KIF20B: variants seen among roughly 807,000 people sequenced by gnomAD.
The protein encoded by KIF20B is kinesin family member 20B.
In KIF20B, 188 loss-of-function variants were observed where a neutral mutation model predicts 232.5. The observed-to-expected ratio is 0.81, with a 90% confidence interval of 0.72 to 0.91. KIF20B has a LOEUF of 0.91. KIF20B is among the 40% of genes least tolerant of loss of function. The pLI is 0.00. For synonymous variants in KIF20B, 712 were observed against 683.0 expected (o/e 1.04, Z -0.66); for missense variants, 2,154 against 2,055.9 (o/e 1.05, Z -0.92).
In KIF20B at chr10:89,752,708, G is replaced by GT. The variant is rs1564672180; in HGVS notation, c.4347+22dup. 6.7e-7 allele frequency: 1 copy of GT among 1,499,550 alleles called. No individual in the cohort carries two copies. 92.9% of individuals were successfully genotyped at this position (1,499,550 alleles called of 1,614,324 possible). ...GAGTTACAGGTATGACTTTATGTAT[G>GT]TTTTTATGTATGAATGTATCTGTCT... On this transcript the variant is annotated intron_variant, in intron 25 of 32. Coordinates refer to ENST00000371728, the MANE Select transcript of KIF20B (RefSeq NM_001284259.2).
intron 19 of KIF20B, among the ~76,000 whole-genome samples, chr10:89,737,095 A>G (rs1199500914): frequency 6.6e-6 from 1 of 152,122 alleles, no homozygotes; most frequent in Non-Finnish European, 1.5e-5. Context: ...TAATACTGAA[A>G]GTTAGAAATA....
intron 19 of KIF20B, among the ~76,000 whole-genome samples, chr10:89,733,524 G>A (rs974442572): frequency 2.6e-5 from 4 of 152,136 alleles, no homozygotes; most frequent in African/African-American, 7.2e-5. Flanking sequence ...GATAATACAT[G>A]TTGAAGATTA....
intron 30 of KIF20B, 139 bp downstream of exon 30, chr10:89,768,530 A>G (rs919007208): frequency 4.2e-6 from 3 of 715,652 alleles, no homozygotes; most frequent in East Asian, 2.7e-5. Flanking sequence ...AGTAGCATCT[A>G]CTTTATGTGT....
intron 1 of KIF20B, among the ~76,000 whole-genome samples, chr10:89,704,432 A>G (rs990196249): frequency 6.6e-6 from 1 of 152,182 alleles, no homozygotes; most frequent in African/African-American, 2.4e-5. Flanking sequence ...TAGTTTACTG[A>G]TGCATTATTC....
intron 22 of KIF20B, among the ~76,000 whole-genome samples, chr10:89,744,219 T>C (rs1195512500): frequency 6.6e-6 from 1 of 152,168 alleles, no homozygotes; most frequent in Non-Finnish European, 1.5e-5. Flanking sequence ...AACATTACCA[T>C]TAGTCATATT....
At position 89,738,420 on chromosome 10, in the gene KIF20B, C is replaced by G. The variant is rs375369186; in HGVS notation, c.3579C>G (p.Ile1193Met). 26 of 1,600,512 alleles carry G rather than the reference C, an allele frequency of 1.6e-5. No homozygotes were observed. The Middle Eastern group carries it at 5.0e-4, about 31-fold the overall frequency. Residue 1193 changes from isoleucine to methionine, a missense_variant, in exon 20 of 33, where the codon ATC (isoleucine) becomes ATG (methionine). Transcript: ENST00000371728. Reference protein sequence around the residue: ...LEQDILEKESIILKLERNLKE... With the variant: ...LEQDILEKESMILKLERNLKE... ...AAGACATTTTGGAAAAGGAATCTAT[C>G]ATCTTAAAGCTAGAAAGAAATTTGA...
At chr10:89,721,604 A>G (rs1319894961) in intron 13 of KIF20B, among the ~76,000 whole-genome samples, 3 of 152,142 alleles carry the variant, frequency 2.0e-5, no homozygotes, top group East Asian at 3.9e-4. Flanking sequence ...CAGGATTTCT[A>G]GGCAGCAGTG....
Position 89,709,246 on chromosome 10 carries a change from A to C in KIF20B, c.227A>C (p.Glu76Ala). The C allele has an allele frequency of 6.2e-7, 1 of 1,606,876 alleles. No individual in the cohort carries two copies. Among genetic ancestry groups the C allele is most frequent in the East Asian group, 2.2e-5 (1 of 44,772 alleles). Residue 76 changes from glutamate (E) to alanine (A), a missense_variant, in exon 3 of 33, where the codon GAG becomes GCG. By Grantham distance (107) the Glu-to-Ala change is moderately radical. Transcript: ENST00000371728. ...RPFTQSEKEL[E>A]SEGCVHILDS... ...TTTACACAGTCAGAAAAAGAACTTG[A>C]GTCTGAGGTTTGTGTTGAATTTAAT... is the stretch of plus-strand genomic sequence containing the variant.
chr10:89,772,927 AAC>A (rs1406684503), intron 32 of KIF20B, 96 bp downstream of exon 32: 1 of 1,050,122 alleles, frequency 9.5e-7, no homozygotes, highest in African/African-American at 1.6e-5. Flanking sequence ...GATCTCTGAA[AAC>A]ACATGCTATA....
intron 31 of KIF20B, among the ~76,000 whole-genome samples, chr10:89,769,259 T>G (rs1842422499): frequency 6.6e-6 from 1 of 151,974 alleles, no homozygotes; most frequent in Non-Finnish European, 1.5e-5. Context: ...AGGAGTACAC[T>G]CTCTAGGGTG....
Position 89,716,564 on chromosome 10 carries a change from G to C in KIF20B, c.1052+17G>C. On this transcript the variant is annotated intron_variant, in intron 9 of 32. Transcript: ENST00000371728. ...CAGTAGAAGGTAAAGAATAAACTCT[G>C]TAAGAGTAAACTCGAATCACCGATA... The C allele has an allele frequency of 8.3e-7, 1 of 1,210,752 alleles. No individual in the cohort carries two copies. Among genetic ancestry groups the C allele is most frequent in the South Asian group, 1.3e-5 (1 of 77,224 alleles). The allele number at this position is 1,210,752 out of a possible 1,614,324, so 75.0% of individuals were successfully genotyped here.
chr10:89,738,463 C>A lies in KIF20B; in HGVS notation c.3622C>A (p.Leu1208Ile). ...AAATTTGAAGGAATTTCAAGAACAT[C>A]TTCAGGATTCTGTCAAAAACACCAA... ...ERNLKEFQEH[L>I]QDSVKNTKDL... Residue 1208 changes from leucine (L) to isoleucine (I), a missense_variant, in exon 20 of 33, where the codon CTT becomes ATT. By Grantham distance (5) the Leu-to-Ile change is conservative (BLOSUM62 2). Transcript: ENST00000371728. 6.2e-7 allele frequency: 1 copy of A among 1,604,366 alleles called. No homozygotes were observed. Among genetic ancestry groups the A allele is most frequent in the South Asian group, 1.1e-5 (1 of 87,836 alleles).
chr10:89,727,610 A>G (rs1043363357), intron 16 of KIF20B, among the ~76,000 whole-genome samples: 1 of 152,140 alleles, frequency 6.6e-6, no homozygotes, highest in Non-Finnish European at 1.5e-5. Context: ...GTTCTTTACT[A>G]TTTAGCATAT....
chr10:89,733,083 C>G lies in KIF20B; in HGVS notation c.2545+27C>G, dbSNP rs778099025. The G allele has an allele frequency of 1.9e-6, 3 of 1,610,884 alleles. No homozygotes were observed. In the Admixed American group the frequency reaches 5.0e-5, roughly 27 times the overall value. ...TACTACTTCAGCTGCCAGCAGCAGG[C>G]GTTTAAGAAAGCTAATTTCTAAACC... On this transcript the variant is annotated intron_variant, in intron 19 of 32. Transcript: ENST00000371728.
chr10:89,750,249 A>G (rs1188967883), intron 23 of KIF20B, among the ~76,000 whole-genome samples: 1 of 152,090 alleles, frequency 6.6e-6, no homozygotes, highest in Non-Finnish European at 1.5e-5. Flanking sequence ...TCTAGTCCTC[A>G]GTTTAGAGTC....
intron 25 of KIF20B, 83 bp from the exon 26 acceptor site, chr10:89,754,435 T>A: frequency 1.2e-6 from 1 of 824,100 alleles, no homozygotes; most frequent in Non-Finnish European, 1.7e-6. Context: ...TGAAAAGTAA[T>A]GGATTGTATG....
chr10:89,733,038 G>T lies in KIF20B; in HGVS notation c.2527G>T (p.Glu843Ter). ...AAATGAAAATGAACTTCAGCAAGAT[G>T]AACCACCAGCAAAGAAAGGTACTAC... ...RVNENELQQD[E>*]PPAKKGSIHV... Residue 843 changes from glutamate to a stop codon, truncating the protein, a stop_gained, in exon 19 of 33, where the codon GAA becomes TAA. Coordinates refer to ENST00000371728, the MANE Select transcript of KIF20B (RefSeq NM_001284259.2). LOFTEE classifies it high-confidence loss of function. 1 of 1,613,556 alleles carries T rather than the reference G, an allele frequency of 6.2e-7. No homozygotes were observed. The highest frequency in any genetic ancestry group is 1.1e-5 in the South Asian group (1 of 91,046).
intron 4 of KIF20B, among the ~76,000 whole-genome samples, 199 bp downstream of exon 4, chr10:89,709,660 T>C (rs1194877588): frequency 6.6e-6 from 1 of 151,150 alleles, no homozygotes; most frequent in African/African-American, 2.4e-5. Flanking sequence ...AAGTTATTAT[T>C]ACTATATTTT....
rs766891581 is a variant in KIF20B at position 89,768,298 on chromosome 10, G to A, written c.4998G>A (p.Val1666=). ...RKSNEMEEDL[V]KCENKKNATP... ...AAATTCATTATTTTTAGGACTTGGT[G>A]AAATGTGAAAATAAGAAGAATGCTA... The change falls in exon 30 of 33, where the codon GTG becomes GTA. Residue 1666 remains valine (V), a synonymous_variant. Coordinates refer to ENST00000371728, the MANE Select transcript of KIF20B (RefSeq NM_001284259.2). 4 of 1,550,388 alleles carry A rather than the reference G, an allele frequency of 2.6e-6. No homozygotes were observed. In the Admixed American group the frequency reaches 5.6e-5, roughly 22 times the overall value.
Sources: allele counts gnomAD v4.1 joint callset (sites outside exome capture counted in the v4.1 genomes callset), GRCh38; gene constraint gnomAD v4.1.1; transcripts MANE v1.5; gene names NCBI Gene and HGNC (gene_info 2026-07-23, HGNC 2026-07-21).